Variants in FHIT observed in about 807,000 individuals in gnomAD.
FHIT encodes bis(5'-adenosyl)-triphosphatase.
In FHIT, 19 loss-of-function variants were observed where a neutral mutation model predicts 17.9. The ratio of observed to expected loss-of-function variants is 1.06; its 90% CI spans 0.74 to 1.56. FHIT has a LOEUF of 1.56. FHIT is among the 40% of genes most tolerant of loss of function. The pLI, the probability that FHIT is intolerant of heterozygous loss-of-function variation, is 0.00. For missense variants in FHIT, 248 were observed against 189.2 expected (o/e 1.31, Z -1.82); for synonymous variants, 81 against 69.7 (o/e 1.16, Z -0.81).
In FHIT at chr3:60,805,281, T is replaced by C. The variant is rs114985340; in HGVS notation, c.-18+16638A>G. 3.5e-3 allele frequency among the ~76,000 whole-genome samples: 538 copies of C among 152,290 alleles called. 4 individuals carry two copies. The highest frequency in any genetic ancestry group is 0.012 in the African/African-American group (513 of 41,570). On this transcript the variant is annotated intron_variant, in intron 4 of 9. Transcript: ENST00000492590. ...GCTGCCATAACAAAACACCAAGGAT[T>C]GTGTGGCTTAAACAACAGAAATTTA...
At chr3:59,790,576 A>G (rs1284535143) in intron 8 of FHIT, among the ~76,000 whole-genome samples, 2 of 151,598 alleles carry the variant, frequency 1.3e-5, no homozygotes, top group Non-Finnish European at 2.9e-5. Context: ...TGCATTATTG[A>G]TATTGATTGA....
intron 5 of FHIT, among the ~76,000 whole-genome samples, chr3:60,356,707 C>T (rs12636057): frequency 0.37 from 43,866 of 120,100 alleles, 7,398 homozygotes; most frequent in Admixed American, 0.53. Flanking sequence ...TTCTTTCCTA[C>T]GGAAAATTAA....
At chr3:60,814,264 T>C (rs1285015794) in intron 4 of FHIT, among the ~76,000 whole-genome samples, 1 of 152,124 alleles carries the variant, frequency 6.6e-6, no homozygotes, top group Non-Finnish European at 1.5e-5. Context: ...CTGGGTATAT[T>C]GCATCATGCT....
intron 3 of FHIT, among the ~76,000 whole-genome samples, chr3:60,826,260 C>T (rs1702118677): frequency 6.6e-6 from 1 of 151,946 alleles, no homozygotes; most frequent in African/African-American, 2.4e-5. Flanking sequence ...TTAAGCTAAT[C>T]GCTAATCATA....
intron 4 of FHIT, among the ~76,000 whole-genome samples, chr3:60,547,735 AT>A (rs1174007051): frequency 6.6e-6 from 1 of 152,180 alleles, no homozygotes; most frequent in African/African-American, 2.4e-5. Context: ...TTTAATAAAC[AT>A]AAAAGAAACA....
At chr3:60,531,439 C>T (rs369176998) in intron 5 of FHIT, among the ~76,000 whole-genome samples, 34 of 151,780 alleles carry the variant, frequency 2.2e-4, no homozygotes, top group African/African-American at 7.5e-4. Context: ...CTACCACGCC[C>T]GGCTAATTTT....
chr3:60,075,434 T>TA (rs1702961732), intron 5 of FHIT, among the ~76,000 whole-genome samples: 1 of 152,108 alleles, frequency 6.6e-6, no homozygotes, highest in Non-Finnish European at 1.5e-5. Flanking sequence ...TTGTATCATT[T>TA]AAAAAATAAT....
rs1702457486 is a variant in FHIT at position 60,065,363 on chromosome 3, C to T, written c.104-51211G>A. On this transcript the variant is annotated intron_variant, in intron 5 of 9. Transcript: ENST00000492590. Reference sequence around the variant, plus strand: ...ATGTCACCGAGAGGCTTAACCTGCACTTACTTCTTTCATCTGTAAAATGGA... The same window carrying T: ...ATGTCACCGAGAGGCTTAACCTGCATTTACTTCTTTCATCTGTAAAATGGA... 2.0e-5 allele frequency among the ~76,000 whole-genome samples: 3 copies of T among 152,174 alleles called. No individual in the cohort carries two copies. The South Asian group carries it at 6.2e-4, about 32-fold the overall frequency.
chr3:59,825,610 A>C (rs1346762831), intron 8 of FHIT, among the ~76,000 whole-genome samples: 1 of 152,226 alleles, frequency 6.6e-6, no homozygotes, highest in African/African-American at 2.4e-5. Flanking sequence ...TCAGGCTATA[A>C]AACCATGTCT....
chr3:59,851,434 T>C (rs1701930475), intron 8 of FHIT, among the ~76,000 whole-genome samples: 1 of 152,198 alleles, frequency 6.6e-6, no homozygotes, highest in Non-Finnish European at 1.5e-5. Context: ...GACCTATGTT[T>C]ATCTCAATTT....
chr3:60,726,480 T>G (rs1553709598), intron 4 of FHIT, among the ~76,000 whole-genome samples: 1 of 152,206 alleles, frequency 6.6e-6, no homozygotes, highest in Admixed American at 6.5e-5. Flanking sequence ...AACTTGATCT[T>G]GGGAGTGTTT....
intron 8 of FHIT, among the ~76,000 whole-genome samples, chr3:59,757,368 T>C (rs536106749): frequency 1.3e-5 from 2 of 152,280 alleles, no homozygotes; most frequent in East Asian, 1.9e-4. Context: ...CTGCTAGAAA[T>C]GGTTTTTGGG....
chr3:60,619,629 A>G (rs1213590096), intron 4 of FHIT, among the ~76,000 whole-genome samples: 3 of 135,080 alleles, frequency 2.2e-5, no homozygotes, highest in Non-Finnish European at 4.8e-5. Flanking sequence ...AAAAAAAAAG[A>G]ATCTAGACAA....
chr3:60,846,756 C>T (rs1702938893), intron 3 of FHIT, among the ~76,000 whole-genome samples: 1 of 152,142 alleles, frequency 6.6e-6, no homozygotes, highest in Non-Finnish European at 1.5e-5. Context: ...TTAATATTCA[C>T]ATTTCATAAC....
chr3:60,142,136 C>G (rs889692458), intron 5 of FHIT, among the ~76,000 whole-genome samples: 3 of 152,136 alleles, frequency 2.0e-5, no homozygotes, highest in African/African-American at 7.2e-5. Context: ...AGCAGTATAA[C>G]TAACTGGTCA....
chr3:60,050,278 C>G (rs1469789561), intron 5 of FHIT, among the ~76,000 whole-genome samples: 2 of 152,090 alleles, frequency 1.3e-5, no homozygotes, highest in African/African-American at 2.4e-5. Flanking sequence ...TCATTGAACA[C>G]AAATCTTTAA....
rs76160528 is a variant in FHIT at position 60,941,566 on chromosome 3, C to T, written c.-111+100481G>A. Among the ~76,000 whole-genome samples the T allele has an allele frequency of 1.8e-3, 271 of 152,186 alleles. 8 individuals carry two copies. The East Asian group carries it at 0.049, about 27-fold the overall frequency. On this transcript the variant is annotated intron_variant, in intron 3 of 9. Transcript: ENST00000492590. The stretch of plus-strand genomic sequence containing the variant: ...TGAATGATATTGGTTTCTTTCTTTC[C>T]TATCCATGTTTTTATACTTTTTCTA...
At chr3:60,326,132 C>T (rs1005519207) in intron 5 of FHIT, among the ~76,000 whole-genome samples, 2 of 151,940 alleles carry the variant, frequency 1.3e-5, no homozygotes, top group African/African-American at 4.8e-5. Context: ...AATTTTTCCA[C>T]AGATGGGGGT....
Position 60,789,154 on chromosome 3 carries a change from G to GTATA in FHIT, c.-18+32764_-18+32765insTATA, listed in dbSNP as rs1409661796. Among the ~76,000 whole-genome samples, 227 of 117,580 alleles carry GTATA rather than the reference G, an allele frequency of 1.9e-3. 2 individuals are homozygous for GTATA. Among genetic ancestry groups the GTATA allele is most frequent in the African/African-American group, 6.7e-3 (197 of 29,330 alleles). 77.1% of individuals were successfully genotyped at this position (117,580 alleles called of 152,430 possible). ...TATATAGAGAGAGATGTGTGTGTGTGTGTATATATATATATATATATAGAG... is the reference window on the plus strand; with the variant it reads ...TATATAGAGAGAGATGTGTGTGTGTGTATATGTATATATATATATATATATAGAG... On this transcript the variant is annotated intron_variant, in intron 4 of 9. Coordinates refer to ENST00000492590, the MANE Select transcript of FHIT (RefSeq NM_002012.4).
Sources: allele counts gnomAD v4.1 joint callset (sites outside exome capture counted in the v4.1 genomes callset), GRCh38; gene constraint gnomAD v4.1.1; transcripts MANE v1.5; gene names NCBI Gene and HGNC (gene_info 2026-07-23, HGNC 2026-07-21).